The following PCDHA6 variants were observed in gnomAD, a reference collection of about 807,000 sequenced individuals.
PCDHA6 encodes the protein protocadherin alpha-6.
Under a neutral mutation model 60.3 loss-of-function variants are expected in PCDHA6, and 55 were observed. The observed-to-expected ratio is 0.91, with a 90% CI of 0.73 to 1.14. The LOEUF is 1.14. Ranked by LOEUF, PCDHA6 falls within the 50% of genes most tolerant of loss-of-function variation. PCDHA6 has a pLI of 0.00. For missense variants in PCDHA6, 1,327 were observed against 1,256.5 expected, an observed-to-expected ratio of 1.06 and a Z score of -0.85; for synonymous variants, 652 against 557.9, an observed-to-expected ratio of 1.17 and a Z score of -2.38.
chr5:140,982,722 T>G, intron 3 of PCDHA6, 159 bp downstream of exon 3: 1 of 913,304 alleles, frequency 1.1e-6, no homozygotes, highest in African/African-American at 1.8e-5. Flanking sequence ...TATGATTATT[T>G]TGATTTTATA....
chr5:140,973,391 A>G (rs1466546487), intron 1 of PCDHA6, among the ~76,000 whole-genome samples: 1 of 152,232 alleles, frequency 6.6e-6, no homozygotes, highest in East Asian at 1.9e-4. Context: ...AGACAAAGAA[A>G]TCATATCTAT....
At chr5:140,962,454 T>A (rs1554226040) in intron 1 of PCDHA6, among the ~76,000 whole-genome samples, 1 of 152,194 alleles carries the variant, frequency 6.6e-6, no homozygotes, top group Non-Finnish European at 1.5e-5. Flanking sequence ...TTGAATCTCT[T>A]ATGGCTTGAA....
rs1368766918 is a variant in PCDHA6 at position 141,010,867 on chromosome 5, A to G, written c.*930A>G. 4.6e-5 allele frequency: 7 copies of G among 153,798 alleles called. No homozygotes were observed. The highest frequency in any genetic ancestry group is 3.3e-4 in the Admixed American group (5 of 15,292). 9.5% of individuals were successfully genotyped at this position (153,798 alleles called of 1,614,324 possible). A position where few individuals can be genotyped will look rare whatever the true frequency, so the allele number is the denominator to read the frequency against. On this transcript the variant is annotated 3_prime_UTR_variant, in exon 4 of 4. Coordinates refer to ENST00000529310, the MANE Select transcript of PCDHA6 (RefSeq NM_018909.4). Reference sequence around the variant, plus strand: ...TTAAAAAAAGAGAAAGTCTATAGCTATAAATCTTTAAAGAGAAATATGAAT... The same window carrying G: ...TTAAAAAAAGAGAAAGTCTATAGCTGTAAATCTTTAAAGAGAAATATGAAT...
intron 1 of PCDHA6, among the ~76,000 whole-genome samples, chr5:140,889,643 G>A (rs141216075): frequency 1.3e-4 from 20 of 152,024 alleles, no homozygotes; most frequent in African/African-American, 4.8e-4. Context: ...ATTTGTGTTT[G>A]CAGGAGATGT....
At chr5:140,994,939 C>T (rs1210134523) in intron 3 of PCDHA6, among the ~76,000 whole-genome samples, 5 of 152,160 alleles carry the variant, frequency 3.3e-5, no homozygotes, top group Non-Finnish European at 7.3e-5. Context: ...CTTAAACATC[C>T]TGCTAAATAA....
chr5:140,882,972 T>C, intron 1 of PCDHA6: 1 of 1,614,190 alleles, frequency 6.2e-7, no homozygotes, highest in Non-Finnish European at 8.5e-7. Context: ...ATTCTGGACG[T>C]GAATGACAAC....
At chr5:140,990,628 G>A (rs1380038956) in intron 3 of PCDHA6, among the ~76,000 whole-genome samples, 1 of 152,154 alleles carries the variant, frequency 6.6e-6, no homozygotes, top group African/African-American at 2.4e-5. Flanking sequence ...TCTGTGGTAA[G>A]ACTAGAAGCC....
chr5:140,889,120 T>G (rs1335268200), intron 1 of PCDHA6, among the ~76,000 whole-genome samples: 1 of 151,966 alleles, frequency 6.6e-6, no homozygotes, highest in Non-Finnish European at 1.5e-5. Context: ...CAGGTGATAC[T>G]GATATGTCCT....
chr5:140,847,504 T>C (rs1781050995), intron 1 of PCDHA6: 1 of 149,690 alleles, frequency 6.7e-6, no homozygotes. Flanking sequence ...ACAACAAAAC[T>C]TTGTAGAACT....
chr5:140,863,793 G>A (rs2048183012), intron 1 of PCDHA6: 1 of 216,012 alleles, frequency 4.6e-6, no homozygotes, highest in East Asian at 1.1e-4. Flanking sequence ...GAGGCCAGGA[G>A]TTTGAGACCA....
At chr5:140,879,391 G>A (rs2057973329) in intron 1 of PCDHA6, among the ~76,000 whole-genome samples, 1 of 152,184 alleles carries the variant, frequency 6.6e-6, no homozygotes, top group South Asian at 2.1e-4. Flanking sequence ...TGGAGAAACA[G>A]TTTGTGTGTA....
chr5:140,941,199 C>CTT (rs879983584), intron 1 of PCDHA6, among the ~76,000 whole-genome samples: 22 of 115,972 alleles, frequency 1.9e-4, no homozygotes, highest in African/African-American at 6.6e-4. Context: ...TTTTTTCTTT[C>CTT]TTCCTTTCTT....
At chr5:140,836,559 CCGT>C in intron 1 of PCDHA6, 1 of 1,613,740 alleles carries the variant, frequency 6.2e-7, no homozygotes, top group Non-Finnish European at 8.5e-7. Flanking sequence ...GTGCTCAGCG[CCGT>C]CCTCTGAGGG....
intron 1 of PCDHA6, chr5:140,834,575 C>G (rs2150221484): frequency 6.2e-7 from 1 of 1,614,096 alleles, no homozygotes; most frequent in South Asian, 1.1e-5. Context: ...CGCGCCTGTT[C>G]CGGGCGGTGT....
intron 1 of PCDHA6, chr5:140,967,726 TG>T: frequency 6.2e-7 from 1 of 1,613,974 alleles, no homozygotes; most frequent in Non-Finnish European, 8.5e-7. Flanking sequence ...TGCGAGTAAT[TG>T]GGGGGCTGGA....
chr5:140,907,263 C>T (rs985030606), intron 1 of PCDHA6, among the ~76,000 whole-genome samples: 2 of 152,220 alleles, frequency 1.3e-5, no homozygotes, highest in Admixed American at 1.3e-4. Flanking sequence ...CTTCAAAAGG[C>T]CATTCCATCA....
At chr5:140,984,576 C>G (rs1309554018) in intron 3 of PCDHA6, among the ~76,000 whole-genome samples, 1 of 152,104 alleles carries the variant, frequency 6.6e-6, no homozygotes, top group African/African-American at 2.4e-5. Context: ...CCATGGCAAC[C>G]TAATCATACT....
In PCDHA6 at chr5:140,830,050, C is replaced by T; in HGVS notation, c.1959C>T (p.Asp653=). The change falls in exon 1 of 4, where the codon GAC becomes GAT. Residue 653 remains aspartate (D), a synonymous_variant. Transcript: ENST00000529310. The part of the protein sequence containing the change: ...PRHRLLVLVK[D]HGEPALTATA... Reference sequence around the variant, plus strand: ...ACCGGCTGCTGGTGCTGGTGAAAGACCACGGTGAGCCGGCGCTGACAGCGA... The same window carrying T: ...ACCGGCTGCTGGTGCTGGTGAAAGATCACGGTGAGCCGGCGCTGACAGCGA... 1 of 1,613,786 alleles carries T rather than the reference C, an allele frequency of 6.2e-7. No homozygotes were observed. The highest frequency in any genetic ancestry group is 8.5e-7 in the Non-Finnish European group (1 of 1,179,898).
chr5:140,835,928 C>G (rs2150248518), intron 1 of PCDHA6: 1 of 1,612,452 alleles, frequency 6.2e-7, no homozygotes, highest in Non-Finnish European at 8.5e-7. Context: ...CGGAGAGCGG[C>G]AAGGTGTACG....
Sources: gnomAD v4.1 joint callset for allele counts (sites outside exome capture counted in the v4.1 genomes callset) on GRCh38, gnomAD v4.1.1 for gene constraint, MANE v1.5 for transcripts, NCBI Gene and HGNC (gene_info 2026-07-23, HGNC 2026-07-21) for gene names.